Variants in TRIM9 observed in about 807,000 individuals in gnomAD.
TRIM9 encodes E3 ubiquitin-protein ligase TRIM9.
In TRIM9, 26 loss-of-function variants were observed where a neutral mutation model predicts 78.3. That is an observed-to-expected ratio of 0.33 (90% CI 0.24 to 0.46). The LOEUF (loss-of-function observed/expected upper bound fraction) is 0.46, where lower values mean the gene tolerates loss of function less well. TRIM9 is among the 20% of genes least tolerant of loss of function. The pLI is 1.00. For missense variants in TRIM9, 787 were observed against 1,036.4 expected, an observed-to-expected ratio of 0.76 and a Z score of 3.30; for synonymous variants, 398 against 416.5, an observed-to-expected ratio of 0.96 and a Z score of 0.54.
rs992471896 is a variant in TRIM9, at chr14:51,072,288, G to A, written c.822+21830C>T. On this transcript the variant is annotated intron_variant, in intron 1 of 12. Coordinates refer to ENST00000684578, the MANE Select transcript of TRIM9 (RefSeq NM_001387360.1). Reference sequence around the variant, plus strand: ...ATTTTACTACATTAAAAAAAACACTGAAGGAAAGGAAAGCAATTATGCTTC... The same window carrying A: ...ATTTTACTACATTAAAAAAAACACTAAAGGAAAGGAAAGCAATTATGCTTC... Among the ~76,000 whole-genome samples, 3 of 151,942 alleles carry A rather than the reference G, an allele frequency of 2.0e-5. No homozygotes were observed. The South Asian group carries it at 6.3e-4, about 32-fold the overall frequency.
intron 6 of TRIM9, among the ~76,000 whole-genome samples, chr14:51,000,064 A>G (rs2054757371): frequency 6.6e-6 from 1 of 152,222 alleles, no homozygotes; most frequent in Non-Finnish European, 1.5e-5. Context: ...ACAAAACTAT[A>G]GAACTGGGGA....
intron 1 of TRIM9, among the ~76,000 whole-genome samples, chr14:51,064,307 T>C (rs2061573915): frequency 6.6e-6 from 1 of 151,968 alleles, no homozygotes; most frequent in African/African-American, 2.4e-5. Flanking sequence ...TATAATTAAA[T>C]AGTAAAAATT....
intron 8 of TRIM9, 68 bp downstream of exon 8, chr14:50,985,888 G>T: frequency 1.5e-6 from 2 of 1,326,314 alleles, no homozygotes; most frequent in South Asian, 2.1e-5. Flanking sequence ...GCAAGAACAA[G>T]ACACGCGTTT....
At chr14:50,997,265 C>T (rs1276004742) in intron 7 of TRIM9, 3 of 985,262 alleles carry the variant, frequency 3.0e-6, no homozygotes, top group Non-Finnish European at 2.4e-6. Flanking sequence ...AAATTCAAGC[C>T]TCTCATCTGA....
At position 50,977,335 on chromosome 14, in the gene TRIM9, G is replaced by T; in HGVS notation, c.2344C>A (p.Leu782Ile). 1.3e-6 allele frequency: 2 copies of T among 1,551,624 alleles called. No homozygotes were observed. Among genetic ancestry groups the T allele is most frequent in the East Asian group, 2.5e-5 (1 of 40,212 alleles). The change falls in exon 13 of 13, where the codon CTC (leucine) becomes ATC (isoleucine). Residue 782 changes from leucine (L) to isoleucine (I), a missense_variant. Leu to Ile is a conservative substitution (Grantham distance 5). Coordinates refer to ENST00000684578, the MANE Select transcript of TRIM9 (RefSeq NM_001387360.1). ...CTGGAGTAGAAGTCGGGGACTGGGA[G>T]CCCGGTGTGCAGCGTGACCTGGGGA... The part of the protein sequence containing the change: ...RNVQVTLHTG[L>I]PVPDFYSSRA...
At chr14:50,978,961 A>G (rs931851803) in intron 12 of TRIM9, 198 of 1,102,412 alleles carry the variant, frequency 1.8e-4, no homozygotes, top group Non-Finnish European at 2.2e-4. Flanking sequence ...AAGAGTGCAG[A>G]GAAGATGCTC....
chr14:50,991,022 G>A (rs540930396), intron 7 of TRIM9, among the ~76,000 whole-genome samples: 2 of 152,290 alleles, frequency 1.3e-5, no homozygotes, highest in African/African-American at 4.8e-5. Flanking sequence ...TTGCAATTGA[G>A]AAGTGAGAAA....
At chr14:50,987,584 G>T (rs2052882026) in intron 7 of TRIM9, among the ~76,000 whole-genome samples, 2 of 152,096 alleles carry the variant, frequency 1.3e-5, no homozygotes, top group Admixed American at 1.3e-4. Flanking sequence ...TGGTTTGAAT[G>T]ACTTAATATC....
chr14:51,082,951 G>C (rs1480053870), intron 1 of TRIM9, among the ~76,000 whole-genome samples: 1 of 152,184 alleles, frequency 6.6e-6, no homozygotes, highest in Admixed American at 6.5e-5. Context: ...TGGCACTTGT[G>C]AACTGTGACT....
At chr14:51,085,734 T>C (rs1266257230) in intron 1 of TRIM9, among the ~76,000 whole-genome samples, 2 of 152,206 alleles carry the variant, frequency 1.3e-5, no homozygotes, top group South Asian at 2.1e-4. Flanking sequence ...TACTTATTAG[T>C]TTATGGTTTT....
At position 51,059,647 on chromosome 14, in the gene TRIM9, A is replaced by C. The variant is rs559303409; in HGVS notation, c.823-34287T>G. Among the ~76,000 whole-genome samples the C allele has an allele frequency of 2.3e-3, 342 of 151,976 alleles. 1 individual carries two copies. Among genetic ancestry groups the C allele is most frequent in the Middle Eastern group, 0.014 (4 of 294 alleles). ...ACCCCATCTCTACTAAAAATACAAA[A>C]ATTAGCCGGGCGTGGTGGCACACAC... On this transcript the variant is annotated intron_variant, in intron 1 of 12. Coordinates refer to ENST00000684578, the MANE Select transcript of TRIM9 (RefSeq NM_001387360.1).
intron 2 of TRIM9, 50 bp from the exon 3 acceptor site, chr14:51,023,007 C>T (rs1244639220): frequency 4.4e-6 from 7 of 1,607,662 alleles, no homozygotes; most frequent in Non-Finnish European, 5.9e-6. Context: ...GTGCCTCAGG[C>T]TGCCAGAGAA....
intron 1 of TRIM9, among the ~76,000 whole-genome samples, chr14:51,036,170 T>G (rs1224974419): frequency 6.6e-6 from 1 of 152,208 alleles, no homozygotes; most frequent in South Asian, 2.1e-4. Flanking sequence ...AAACCTGCCA[T>G]GTTGATGAGC....
chr14:51,038,622 G>C (rs1351869281), intron 1 of TRIM9, among the ~76,000 whole-genome samples: 1 of 152,116 alleles, frequency 6.6e-6, no homozygotes, highest in African/African-American at 2.4e-5. Context: ...ACATTTCAAG[G>C]TTGAATTAAG....
chr14:51,090,759 A>T (rs1448227281), intron 1 of TRIM9: 1 of 152,162 alleles, frequency 6.6e-6, no homozygotes, highest in East Asian at 1.9e-4. Flanking sequence ...CACCATGCCC[A>T]GCTAATTTTT....
chr14:50,993,488 C>T (rs2053795914), intron 7 of TRIM9, among the ~76,000 whole-genome samples: 1 of 152,034 alleles, frequency 6.6e-6, no homozygotes, highest in South Asian at 2.1e-4. Context: ...CCTGCCTCAG[C>T]CTCCCAAGTA....
chr14:51,012,105 T>G (rs1423041264), intron 3 of TRIM9, among the ~76,000 whole-genome samples: 1 of 152,226 alleles, frequency 6.6e-6, no homozygotes, highest in African/African-American at 2.4e-5. Flanking sequence ...CTGTAACCAT[T>G]TTCAAGTGTG....
At chr14:51,005,939 C>T (rs1035283849) in intron 5 of TRIM9, among the ~76,000 whole-genome samples, 1 of 152,154 alleles carries the variant, frequency 6.6e-6, no homozygotes, top group African/African-American at 2.4e-5. Flanking sequence ...TTAGATAGTG[C>T]ATTCTTGCTG....
chr14:51,075,268 C>T (rs959100341), intron 1 of TRIM9, among the ~76,000 whole-genome samples: 2 of 152,114 alleles, frequency 1.3e-5, no homozygotes, highest in Non-Finnish European at 2.9e-5. Flanking sequence ...CTTGATGGAG[C>T]CCCACTCCCA....
Sources: allele counts gnomAD v4.1 joint callset (sites outside exome capture counted in the v4.1 genomes callset), GRCh38; gene constraint gnomAD v4.1.1; transcripts MANE v1.5; gene names NCBI Gene and HGNC (gene_info 2026-07-23, HGNC 2026-07-21).